TKFC: variants seen among roughly 807,000 people sequenced by gnomAD.
TKFC encodes the protein triokinase and FMN cyclase, also known as triokinase/FMN cyclase.
Under a neutral mutation model 61.0 loss-of-function variants are expected in TKFC, and 46 were observed. The ratio of observed to expected loss-of-function variants is 0.75; its 90% CI spans 0.60 to 0.96. TKFC has a LOEUF of 0.96. Ranked by LOEUF, TKFC falls within the 50% of genes least tolerant of loss-of-function variation. The probability of loss-of-function intolerance (pLI) is 0.00; values close to 1 mark genes in which losing one functional copy is unlikely to be tolerated. For missense variants in TKFC, 715 were observed against 777.5 expected (o/e 0.92, Z 0.96); for synonymous variants, 314 against 330.1 (o/e 0.95, Z 0.53).
chr11:61,344,934 T>C (rs987804408), intron 13 of TKFC, among the ~76,000 whole-genome samples: 11 of 152,194 alleles, frequency 7.2e-5, no homozygotes, highest in Admixed American at 6.5e-4. Context: ...TCATGGCTTA[T>C]GTTCTAGGTG....
chr11:61,351,252 T>G, downstream of TKFC: 2 of 1,160,236 alleles, frequency 1.7e-6, no homozygotes, highest in South Asian at 1.8e-5. Flanking sequence ...CCTTCCCGGG[T>G]CCATATGTGA....
At chr11:61,340,006 TTTTA>T (rs983193077) in intron 5 of TKFC, among the ~76,000 whole-genome samples, 1 of 151,780 alleles carries the variant, frequency 6.6e-6, no homozygotes, top group Non-Finnish European at 1.5e-5. Flanking sequence ...TTTATTTATT[TTTTA>T]TTTATTTATT....
Position 61,338,669 on chromosome 11 carries a change from C to T in TKFC, c.194-397C>T, listed in dbSNP as rs374668332. 3.9e-5 allele frequency among the ~76,000 whole-genome samples: 6 copies of T among 152,298 alleles called. No homozygotes were observed. In the South Asian group the frequency reaches 8.3e-4, roughly 21 times the overall value. On this transcript the variant is annotated intron_variant, in intron 3 of 17. Transcript: ENST00000394900. The stretch of plus-strand genomic sequence containing the variant: ...ACTCATGAGCCCACTGTGTACCTGG[C>T]GCTGTACTGGGCACTAGGGATACCA...
At chr11:61,340,191 T>TAAAA (rs1238999896) in intron 5 of TKFC, among the ~76,000 whole-genome samples, 13 of 152,036 alleles carry the variant, frequency 8.6e-5, no homozygotes, top group Non-Finnish European at 1.6e-4. Context: ...TTTGTATTTT[T>TAAAA]AGTAGAGATG....
intron 2 of TKFC, chr11:61,335,698 G>C (rs1452226257): frequency 6.6e-6 from 1 of 152,508 alleles, no homozygotes; most frequent in Admixed American, 6.5e-5. Flanking sequence ...CCTGCTGGCT[G>C]TGTGACCTTG....
At chr11:61,339,812 G>T (rs1856780950) in intron 5 of TKFC, among the ~76,000 whole-genome samples, 2 of 151,918 alleles carry the variant, frequency 1.3e-5, no homozygotes, top group African/African-American at 4.8e-5. Context: ...CTGCCTTCTG[G>T]CCTTGCTCAT....
In TKFC at chr11:61,348,512, C is replaced by A; in HGVS notation, c.*2009C>A. On this transcript the variant is annotated 3_prime_UTR_variant, in exon 18 of 18. Coordinates refer to ENST00000394900, the MANE Select transcript of TKFC (RefSeq NM_015533.4). ...AGAGACTGAATGTTTGTGTCCCCCC[C>A]AAATTCCTGTGTTGAAAGGCTCACC... 1.0e-6 allele frequency: 1 copy of A among 984,904 alleles called. No individual in the cohort carries two copies. The highest frequency in any genetic ancestry group is 1.2e-6 in the Non-Finnish European group (1 of 829,446). 61.0% of individuals were successfully genotyped at this position (984,904 alleles called of 1,614,324 possible). A position where few individuals can be genotyped will look rare whatever the true frequency, so the allele number is the denominator to read the frequency against.
In TKFC at chr11:61,333,246, C is replaced by A; in HGVS notation, c.-193C>A. The A allele has an allele frequency of 3.1e-6, 1 of 322,028 alleles. No homozygotes were observed. The highest frequency in any genetic ancestry group is 5.6e-6 in the Non-Finnish European group (1 of 177,020). The allele number at this position is 322,028 out of a possible 1,614,324, so 19.9% of individuals were successfully genotyped here. On this transcript the variant is annotated 5_prime_UTR_variant, in exon 1 of 18. Coordinates refer to ENST00000394900, the MANE Select transcript of TKFC (RefSeq NM_015533.4). The stretch of plus-strand genomic sequence containing the variant: ...TCTTTCCGCCAGCGCCCGCAGGACC[C>A]GGATGAGAGCGCACGCTTCGGGGTC...
intron 3 of TKFC, among the ~76,000 whole-genome samples, chr11:61,338,686 G>A (rs1856718224): frequency 6.6e-6 from 1 of 152,178 alleles, no homozygotes; most frequent in African/African-American, 2.4e-5. Context: ...CTGGGCACTA[G>A]GGATACCAGA....
At chr11:61,345,429 GCAC>G (rs759106011) in intron 14 of TKFC, 30 bp from the exon 15 acceptor site, 1 of 1,606,038 alleles carries the variant, frequency 6.2e-7, no homozygotes, top group African/African-American at 1.3e-5. Flanking sequence ...GTCCAGGCCA[GCAC>G]CACATGCTCA....
chr11:61,339,449 G>C lies in TKFC; in HGVS notation c.486+14G>C. The C allele has an allele frequency of 6.3e-7, 1 of 1,595,778 alleles. No individual in the cohort carries two copies. The highest frequency in any genetic ancestry group is 8.5e-7 in the Non-Finnish European group (1 of 1,169,924). On this transcript the variant is annotated intron_variant, in intron 5 of 17. Transcript: ENST00000394900. ...CTTATACACAAGGTGGGCTTCCACC[G>C]GGGACGTGGAGACTGGCCAGCCCTT...
At chr11:61,345,414 C>T in intron 14 of TKFC, 48 bp downstream of exon 14, 1 of 1,597,824 alleles carries the variant, frequency 6.3e-7, no homozygotes, top group South Asian at 1.1e-5. Context: ...GCTGGGCTGG[C>T]TGGGGTCCAG....
At chr11:61,353,082 G>A (rs1410265057), downstream of TKFC, 1 of 1,614,036 alleles carries the variant, frequency 6.2e-7, no homozygotes, top group Non-Finnish European at 8.5e-7. Flanking sequence ...GGTTTTAGGA[G>A]GCTGCGCAGC....
chr11:61,343,619 T>A, intron 11 of TKFC, 161 bp downstream of exon 11: 2 of 856,674 alleles, frequency 2.3e-6, no homozygotes, highest in East Asian at 5.0e-5. Context: ...CAGCTCTCAC[T>A]GGACTAGAAG....
In TKFC at chr11:61,345,582, T is replaced by G; in HGVS notation, c.1451+17T>G. The G allele has an allele frequency of 6.2e-7, 1 of 1,612,482 alleles. No homozygotes were observed. The highest frequency in any genetic ancestry group is 8.5e-7 in the Non-Finnish European group (1 of 1,179,686). The stretch of plus-strand genomic sequence containing the variant: ...CATGCAGAAGTGAGCCAGAGCCCTG[T>G]GCATCAGACCAGGGGTGGGCTGGGG... On this transcript the variant is annotated intron_variant, in intron 15 of 17. Transcript: ENST00000394900.
chr11:61,342,736 G>T lies in TKFC; in HGVS notation c.776-19G>T. The T allele has an allele frequency of 6.2e-7, 1 of 1,613,988 alleles. No homozygotes were observed. Among genetic ancestry groups the T allele is most frequent in the Non-Finnish European group, 8.5e-7 (1 of 1,179,978 alleles). ...AGACGCCCAGAGGGTCTCACCTGGG[G>T]TGTCATGTCTACCCGCAGGCTCCTC... On this transcript the variant is annotated intron_variant, in intron 9 of 17. Transcript: ENST00000394900.
At chr11:61,335,016 A>G (rs1315554457) in intron 2 of TKFC, among the ~76,000 whole-genome samples, 1 of 152,084 alleles carries the variant, frequency 6.6e-6, no homozygotes, top group Non-Finnish European at 1.5e-5. Flanking sequence ...AAACAGTAAC[A>G]GTTACCTGCT....
rs192923424 is a variant in TKFC, at chr11:61,344,628, T to G, written c.1240+355T>G. Among the ~76,000 whole-genome samples the G allele has an allele frequency of 5.0e-3, 766 of 152,146 alleles. 5 individuals carry two copies. Among genetic ancestry groups the G allele is most frequent in the South Asian group, 0.021 (102 of 4,832 alleles). On this transcript the variant is annotated intron_variant, in intron 13 of 17. Coordinates refer to ENST00000394900, the MANE Select transcript of TKFC (RefSeq NM_015533.4). ...ATCCGCTCGCCCTGGCCTCCCAAAG[T>G]GCTGAGATTACAGGCATGAGCCACC... is the stretch of plus-strand genomic sequence containing the variant.
In TKFC at chr11:61,345,697, C is replaced by G. The variant is rs750615644; in HGVS notation, c.1452-15C>G. On this transcript the variant is annotated splice_polypyrimidine_tract_variant and intron_variant, in intron 15 of 17. Transcript: ENST00000394900. ...TTCCCTATAGTGAGCCTCTTTCACT[C>G]TCTTTCCCTGCCAGGTATGGCAAGG... The G allele has an allele frequency of 4.3e-6, 7 of 1,614,238 alleles. No homozygotes were observed. In the Admixed American group the frequency reaches 1.0e-4, roughly 23 times the overall value.
Sources: gnomAD v4.1 joint callset for allele counts (sites outside exome capture counted in the v4.1 genomes callset) on GRCh38, gnomAD v4.1.1 for gene constraint, MANE v1.5 for transcripts, NCBI Gene and HGNC (gene_info 2026-07-23, HGNC 2026-07-21) for gene names.